ABHD2: variants seen among roughly 807,000 people sequenced by gnomAD.
The protein encoded by ABHD2 is abhydrolase domain containing 2, acylglycerol lipase.
Under a neutral mutation model 48.1 loss-of-function variants are expected in ABHD2, and 20 were observed. The observed-to-expected ratio is 0.42, with a 90% CI of 0.29 to 0.60. The LOEUF is 0.60. ABHD2 is among the 20% of genes least tolerant of loss of function. The pLI is 0.24. For missense variants in ABHD2, 405 were observed against 550.9 expected, an observed-to-expected ratio of 0.74 and a Z score of 2.65; for synonymous variants, 209 against 214.2, an observed-to-expected ratio of 0.98 and a Z score of 0.21.
chr15:89,105,245 C>T (rs1314266355), intron 1 of ABHD2, among the ~76,000 whole-genome samples: 1 of 152,142 alleles, frequency 6.6e-6, no homozygotes, highest in Non-Finnish European at 1.5e-5. Context: ...GTAAAAGTGC[C>T]CGATTAAATG....
At chr15:89,149,134 C>T (rs981814364) in intron 3 of ABHD2, among the ~76,000 whole-genome samples, 1 of 151,780 alleles carries the variant, frequency 6.6e-6, no homozygotes, top group Admixed American at 6.6e-5. Context: ...AAAATTAAAC[C>T]TTTTGAGACT....
intron 3 of ABHD2, among the ~76,000 whole-genome samples, chr15:89,119,958 G>T (rs578030639): frequency 1.1e-4 from 16 of 152,166 alleles, no homozygotes; most frequent in Non-Finnish European, 1.5e-4. Flanking sequence ...GCCTAGGCTG[G>T]AAAGTTCTGT....
the ABHD2 span, among the ~76,000 whole-genome samples, chr15:89,053,208 C>T: frequency 1.3e-5 from 2 of 152,104 alleles, no homozygotes; most frequent in South Asian, 2.1e-4. Context: ...CCTTGTGATC[C>T]GCCCACCTCA....
intron 1 of ABHD2, among the ~76,000 whole-genome samples, chr15:89,107,224 A>G (rs1468858262): frequency 3.3e-5 from 5 of 152,184 alleles, no homozygotes; most frequent in Admixed American, 6.5e-5. Context: ...AGAACAATGC[A>G]TCTTGGAACT....
chr15:89,119,025 G>A (rs914078732), intron 3 of ABHD2, among the ~76,000 whole-genome samples: 3 of 152,132 alleles, frequency 2.0e-5, no homozygotes, highest in Non-Finnish European at 4.4e-5. Flanking sequence ...TAAGCCAGGG[G>A]CATCAGCATG....
At chr15:89,131,116 T>A (rs1479224086) in intron 3 of ABHD2, among the ~76,000 whole-genome samples, 3 of 152,192 alleles carry the variant, frequency 2.0e-5, no homozygotes, top group Non-Finnish European at 4.4e-5. Context: ...GGCCACCAAA[T>A]TATCTTCCTA....
chr15:89,049,751 C>T, the ABHD2 span, among the ~76,000 whole-genome samples: 9 of 152,238 alleles, frequency 5.9e-5, no homozygotes, highest in South Asian at 4.1e-4. Context: ...CTTTGGCTGG[C>T]GCATGATGCA....
chr15:89,175,857 C>G lies in ABHD2; in HGVS notation c.584C>G (p.Thr195Arg). The G allele has an allele frequency of 6.2e-7, 1 of 1,614,122 alleles. No homozygotes were observed. Among genetic ancestry groups the G allele is most frequent in the Non-Finnish European group, 8.5e-7 (1 of 1,180,004 alleles). Residue 195 changes from threonine to arginine, a missense_variant, in exon 6 of 11, where the codon ACA (threonine) becomes AGA (arginine). Transcript: ENST00000352732. The surrounding 1 kb of genome is among the most constrained non-coding windows in gnomAD (Gnocchi z 5.7). ...FGAMVNYIKKTYPLTQLVVVG... is the reference protein window; with the variant it reads ...FGAMVNYIKKRYPLTQLVVVG... ...GCCATGGTGAACTACATCAAGAAGA[C>G]ATATCCCCTGACCCAGCTGGTCGTC...
chr15:89,125,536 C>A (rs949981346), intron 3 of ABHD2, among the ~76,000 whole-genome samples: 5 of 152,166 alleles, frequency 3.3e-5, no homozygotes, highest in Admixed American at 3.3e-4. Context: ...TAGCCCAAAC[C>A]AAAACTGTCA....
chr15:89,161,763 G>T (rs1476343496), intron 5 of ABHD2, among the ~76,000 whole-genome samples: 1 of 152,194 alleles, frequency 6.6e-6, no homozygotes, highest in Admixed American at 6.5e-5. Context: ...ACTATTTCCA[G>T]TGTGCATCAC....
chr15:89,141,290 C>T (rs976531169), intron 3 of ABHD2, among the ~76,000 whole-genome samples: 4 of 152,114 alleles, frequency 2.6e-5, no homozygotes, highest in East Asian at 1.9e-4. Flanking sequence ...CTGACAGTTT[C>T]GCCTTTTAAC....
At chr15:89,056,770 C>T in the ABHD2 span, among the ~76,000 whole-genome samples, 6 of 152,304 alleles carry the variant, frequency 3.9e-5, no homozygotes, top group Non-Finnish European at 8.8e-5. Context: ...ATTCACCTCA[C>T]TGGGCCTCAG....
chr15:89,178,927 A>G lies in ABHD2; in HGVS notation c.722+2932A>G, dbSNP rs191655656. ...TTCTTTCCCAAGAAAGCCCTCAACA[A>G]CCTTATGTTACAGAATTGACCAGTA... On this transcript the variant is annotated intron_variant, in intron 6 of 10. Transcript: ENST00000352732. 3.3e-5 allele frequency among the ~76,000 whole-genome samples: 5 copies of G among 152,220 alleles called. No individual in the cohort carries two copies. The East Asian group carries it at 9.7e-4, about 29-fold the overall frequency.
chr15:89,155,170 C>T lies in ABHD2; in HGVS notation c.371-197C>T, dbSNP rs7166753. ...ACTTACTGGACATTTTCAAAACAAA[C>T]CCTTCACTATAAATAGCTTGAGAAG... On this transcript the variant is annotated intron_variant, in intron 4 of 10. Transcript: ENST00000352732. This position sits in a 1 kb window ranked among gnomAD's most constrained non-coding sequence, Gnocchi z 4.9. Among the ~76,000 whole-genome samples the T allele has an allele frequency of 0.054, 8,244 of 152,220 alleles. 779 individuals carry two copies. The highest frequency in any genetic ancestry group is 0.19 in the African/African-American group (7,811 of 41,488).
chr15:89,177,504 T>A lies in ABHD2; in HGVS notation c.722+1509T>A, dbSNP rs1312130206. Among the ~76,000 whole-genome samples the A allele has an allele frequency of 6.6e-6, 1 of 152,130 alleles. No individual in the cohort carries two copies. Among genetic ancestry groups the A allele is most frequent in the Non-Finnish European group, 1.5e-5 (1 of 68,028 alleles). On this transcript the variant is annotated intron_variant, in intron 6 of 10. Transcript: ENST00000352732. The surrounding 1 kb of genome is among the most constrained non-coding windows in gnomAD (Gnocchi z 5.6). ...AGTTGGAGGCATGGGACCTCAGAAGTCTGCATTTTGGATACATTTCATAGG... is the reference window on the plus strand; with the variant it reads ...AGTTGGAGGCATGGGACCTCAGAAGACTGCATTTTGGATACATTTCATAGG...
At chr15:89,043,478 A>AAGGAGAAGGAGT in the ABHD2 span, among the ~76,000 whole-genome samples, 1 of 119,008 alleles carries the variant, frequency 8.4e-6, no homozygotes, top group African/African-American at 3.2e-5. Context: ...GGAGAAGGAG[A>AAGGAGAAGGAGT]GGAAGAAGGG....
chr15:89,134,051 G>A (rs2050263307), intron 3 of ABHD2, among the ~76,000 whole-genome samples: 1 of 152,024 alleles, frequency 6.6e-6, no homozygotes, highest in South Asian at 2.1e-4. Flanking sequence ...TGTTAGCCAG[G>A]ATGGCCTCGA....
intron 1 of ABHD2, among the ~76,000 whole-genome samples, chr15:89,107,755 C>T (rs1202524467): frequency 6.6e-6 from 1 of 152,106 alleles, no homozygotes; most frequent in Non-Finnish European, 1.5e-5. Flanking sequence ...GGAATTGGAA[C>T]AGAGAAATCC....
chr15:89,101,693 A>T (rs190181925), intron 1 of ABHD2, among the ~76,000 whole-genome samples: 149 of 152,330 alleles, frequency 9.8e-4, no homozygotes, highest in Admixed American at 4.4e-3. Context: ...AGACTAGCAA[A>T]TGTTCTAGTT....
Sources: allele counts gnomAD v4.1 joint callset (sites outside exome capture counted in the v4.1 genomes callset), GRCh38; gene constraint gnomAD v4.1.1; non-coding constraint Gnocchi (gnomAD v3.1); transcripts MANE v1.5; gene names NCBI Gene and HGNC (gene_info 2026-07-23, HGNC 2026-07-21).